The following ZDHHC14 variants were observed in gnomAD, a reference collection of about 807,000 sequenced individuals.
The protein encoded by ZDHHC14 is zDHHC palmitoyltransferase 14.
A neutral mutation model predicts 47.7 loss-of-function variants in ZDHHC14; 16 were observed. The ratio of observed to expected loss-of-function variants is 0.34; its 90% confidence interval spans 0.23 to 0.51. The LOEUF (loss-of-function observed/expected upper bound fraction) is 0.51, where lower values mean the gene tolerates loss of function less well. Ranked by LOEUF, ZDHHC14 falls within the 20% of genes least tolerant of loss-of-function variation. The pLI is 0.97. For missense variants in ZDHHC14, 515 were observed against 662.5 expected (o/e 0.78, Z 2.44); for synonymous variants, 293 against 278.9 (o/e 1.05, Z -0.50).
intron 2 of ZDHHC14, among the ~76,000 whole-genome samples, chr6:157,585,126 G>A (rs1783642429): frequency 6.6e-6 from 1 of 152,048 alleles, no homozygotes. Context: ...AGAATTGCTT[G>A]AACCCAGGAG....
intron 5 of ZDHHC14, among the ~76,000 whole-genome samples, chr6:157,639,953 G>T (rs546525856): frequency 6.6e-6 from 1 of 152,212 alleles, no homozygotes; most frequent in Non-Finnish European, 1.5e-5. Context: ...CATGTAATGT[G>T]GAAGGAGGGA....
intron 2 of ZDHHC14, among the ~76,000 whole-genome samples, chr6:157,550,702 T>C (rs541120497): frequency 6.6e-6 from 1 of 152,380 alleles, no homozygotes; most frequent in South Asian, 2.1e-4. Context: ...GTAGTTTGTG[T>C]ACCTGTGTAA....
At chr6:157,512,235 C>T (rs1780518723) in intron 1 of ZDHHC14, among the ~76,000 whole-genome samples, 1 of 152,214 alleles carries the variant, frequency 6.6e-6, no homozygotes, top group Non-Finnish European at 1.5e-5. Flanking sequence ...GGGATTTGAA[C>T]CCAGTCATCC....
At chr6:157,392,313 C>T (rs779992705) in intron 1 of ZDHHC14, among the ~76,000 whole-genome samples, 4 of 152,140 alleles carry the variant, frequency 2.6e-5, no homozygotes, top group Non-Finnish European at 4.4e-5. Context: ...ATCTTCATCT[C>T]CTAGCTTAAT....
intron 5 of ZDHHC14, among the ~76,000 whole-genome samples, chr6:157,637,703 C>T (rs141703617): frequency 0.032 from 4,802 of 152,234 alleles, 271 homozygotes; most frequent in African/African-American, 0.11. Context: ...TCGGGCAAGA[C>T]AATAACTTAT....
At position 157,480,370 on chromosome 6, in the gene ZDHHC14, C is replaced by T. The variant is rs144867683; in HGVS notation, c.246-62215C>T. 5.4e-3 allele frequency among the ~76,000 whole-genome samples: 801 copies of T among 149,248 alleles called. 1 individual carries two copies. The highest frequency in any genetic ancestry group is 0.011 in the Middle Eastern group (3 of 280). ...GCAACCTCTGCCACCCGAGTTCAAG[C>T]GATTCTCCTGCCTCAGTCTCCCAAG... On this transcript the variant is annotated intron_variant, in intron 1 of 8. Coordinates refer to ENST00000359775, the MANE Select transcript of ZDHHC14 (RefSeq NM_024630.3).
intron 1 of ZDHHC14, among the ~76,000 whole-genome samples, chr6:157,385,177 C>T (rs573867207): frequency 6.6e-6 from 1 of 151,748 alleles, no homozygotes; most frequent in Non-Finnish European, 1.5e-5. Flanking sequence ...TAGCCTTGAC[C>T]GCCGAGGCTC....
chr6:157,640,857 AAAGT>A (rs908192671), intron 5 of ZDHHC14, among the ~76,000 whole-genome samples: 1 of 152,236 alleles, frequency 6.6e-6, no homozygotes, highest in African/African-American at 2.4e-5. Context: ...GAGCAAAAAG[AAAGT>A]GTTTCTCTTG....
At chr6:157,400,823 C>T (rs1777621279) in intron 1 of ZDHHC14, among the ~76,000 whole-genome samples, 1 of 152,248 alleles carries the variant, frequency 6.6e-6, no homozygotes, top group Non-Finnish European at 1.5e-5. Context: ...CGCTGTCTTC[C>T]TTTGGCTCTG....
chr6:157,402,416 G>T (rs1777663667), intron 1 of ZDHHC14, among the ~76,000 whole-genome samples: 1 of 151,966 alleles, frequency 6.6e-6, no homozygotes, highest in African/African-American at 2.4e-5. Context: ...AGTGAGATGT[G>T]CATCTGCTGA....
intron 1 of ZDHHC14, among the ~76,000 whole-genome samples, chr6:157,527,464 T>C (rs949287554): frequency 1.3e-5 from 2 of 152,200 alleles, no homozygotes; most frequent in African/African-American, 4.8e-5. Context: ...TCAGACAATA[T>C]TGAAGTCCTT....
At chr6:157,397,731 A>G (rs1777550916) in intron 1 of ZDHHC14, among the ~76,000 whole-genome samples, 1 of 152,080 alleles carries the variant, frequency 6.6e-6, no homozygotes, top group Non-Finnish European at 1.5e-5. Context: ...TCTCCCTTCC[A>G]CATCCGGATT....
At chr6:157,611,521 C>G (rs965942386) in intron 3 of ZDHHC14, among the ~76,000 whole-genome samples, 3 of 152,134 alleles carry the variant, frequency 2.0e-5, no homozygotes, top group African/African-American at 7.2e-5. Context: ...GCCTCCCGGG[C>G]ACATTTTCAT....
chr6:157,583,808 G>T (rs1384024585), intron 2 of ZDHHC14, among the ~76,000 whole-genome samples: 1 of 152,150 alleles, frequency 6.6e-6, no homozygotes, highest in African/African-American at 2.4e-5. Context: ...CTTGGAGGCA[G>T]CAGAGGAAGG....
chr6:157,439,035 G>T (rs983492340), intron 1 of ZDHHC14, among the ~76,000 whole-genome samples: 2 of 152,200 alleles, frequency 1.3e-5, no homozygotes, highest in Non-Finnish European at 2.9e-5. Flanking sequence ...GGCAGTTCAT[G>T]TGAGGGTCAT....
At chr6:157,555,326 A>G (rs192664571) in intron 2 of ZDHHC14, among the ~76,000 whole-genome samples, 132 of 152,342 alleles carry the variant, frequency 8.7e-4, no homozygotes, top group Non-Finnish European at 1.5e-3. Context: ...ATCAGGGCTG[A>G]TGAGGCTGCC....
At chr6:157,492,445 G>A (rs1583704013) in intron 1 of ZDHHC14, among the ~76,000 whole-genome samples, 2 of 151,752 alleles carry the variant, frequency 1.3e-5, no homozygotes, top group African/African-American at 4.9e-5. Flanking sequence ...GCGGGAAAGC[G>A]GGAAAGCGGG....
rs757944015 is a variant in ZDHHC14 at position 157,628,486 on chromosome 6, C to T, written c.703C>T (p.Arg235Cys). 3 of 1,611,052 alleles carry T rather than the reference C, an allele frequency of 1.9e-6. No individual in the cohort carries two copies. In the South Asian group the frequency reaches 3.3e-5, roughly 18 times the overall value. Residue 235 changes from arginine to cysteine, a missense_variant and splice_region_variant, in exon 4 of 9, where the codon CGT (arginine) becomes TGT (cysteine). Arg to Cys is a radical substitution (Grantham distance 180, BLOSUM62 -3). Coordinates refer to ENST00000359775, the MANE Select transcript of ZDHHC14 (RefSeq NM_024630.3). The stretch of plus-strand genomic sequence containing the variant: ...ATTCGTTATCACCCACGTCATTCTT[C>T]GTAAGTATGCTGGCGAAATCAGATT... ...FAFVITHVIL[R>C]SQQTGFLNAL... is the part of the protein sequence containing the mutation.
Position 157,645,767 on chromosome 6 carries a change from T to C in ZDHHC14, c.783T>C (p.Ser261=). The C allele has an allele frequency of 6.2e-7, 1 of 1,614,144 alleles. No individual in the cohort carries two copies. The highest frequency in any genetic ancestry group is 8.5e-7 in the Non-Finnish European group (1 of 1,180,028). ...SVLEAVVCFF[S]VWSIVGLSGF... ...TGGAGGCTGTGGTGTGCTTCTTCTC[T>C]GTCTGGTCCATCGTTGGCCTCTCAG... Residue 261 remains serine (S), a synonymous_variant, in exon 6 of 9, where the codon TCT becomes TCC. Coordinates refer to ENST00000359775, the MANE Select transcript of ZDHHC14 (RefSeq NM_024630.3).
Sources: gnomAD v4.1 joint callset for allele counts (sites outside exome capture counted in the v4.1 genomes callset) on GRCh38, gnomAD v4.1.1 for gene constraint, MANE v1.5 for transcripts, NCBI Gene and HGNC (gene_info 2026-07-23, HGNC 2026-07-21) for gene names.